CDH2: variants seen among roughly 807,000 people sequenced by gnomAD.
CDH2 encodes cadherin 2.
A neutral mutation model predicts 92.0 loss-of-function variants in CDH2; 17 were observed. The ratio of observed to expected loss-of-function variants is 0.18; its 90% CI spans 0.13 to 0.28. CDH2 has a LOEUF of 0.28. Among genes scored for constraint, CDH2 ranks in the 10% least tolerant of loss-of-function variants. CDH2 has a pLI of 1.00. For synonymous variants in CDH2, 419 were observed against 415.9 expected, an observed-to-expected ratio of 1.01 and a Z score of -0.09; for missense variants, 862 against 1,133.1, an observed-to-expected ratio of 0.76 and a Z score of 3.44.
intron 15 of CDH2, among the ~76,000 whole-genome samples, 188 bp from the exon 16 acceptor site, chr18:27,952,547 A>G (rs1483319541): frequency 6.6e-6 from 1 of 152,164 alleles, no homozygotes; most frequent in Non-Finnish European, 1.5e-5. Flanking sequence ...AAATTAACTT[A>G]TATCTTTCCG....
chr18:28,158,535 G>A (rs906241469), intron 1 of CDH2, among the ~76,000 whole-genome samples: 2 of 152,234 alleles, frequency 1.3e-5, no homozygotes, highest in African/African-American at 4.8e-5. Flanking sequence ...TCATTCCATG[G>A]GAAGGCACTC....
intron 1 of CDH2, among the ~76,000 whole-genome samples, chr18:28,159,468 T>G (rs1382073980): frequency 6.6e-6 from 1 of 152,162 alleles, no homozygotes; most frequent in Non-Finnish European, 1.5e-5. Flanking sequence ...TTCCCTCGGT[T>G]CAGAATTCAA....
chr18:28,122,051 G>A (rs542213148), intron 2 of CDH2, among the ~76,000 whole-genome samples: 3 of 152,150 alleles, frequency 2.0e-5, no homozygotes, highest in African/African-American at 4.8e-5. Flanking sequence ...GGTGGTACTC[G>A]CATTCTTCTA....
chr18:27,990,618 A>G (rs2012386148), intron 9 of CDH2, among the ~76,000 whole-genome samples: 1 of 152,246 alleles, frequency 6.6e-6, no homozygotes, highest in Non-Finnish European at 1.5e-5. Flanking sequence ...TTATTTATTT[A>G]GGTACATCTA....
intron 1 of CDH2, among the ~76,000 whole-genome samples, chr18:28,157,819 T>C (rs1428604940): frequency 6.6e-6 from 1 of 152,142 alleles, no homozygotes; most frequent in Admixed American, 6.5e-5. Flanking sequence ...GTAAAACTTT[T>C]TTAAACATTT....
At chr18:28,009,910 T>G (rs148092501) in intron 4 of CDH2, 38 bp from the exon 5 acceptor site, 1 of 1,541,114 alleles carries the variant, frequency 6.5e-7, no homozygotes, top group Non-Finnish European at 8.8e-7. Flanking sequence ...AGTGAGAGAC[T>G]AAATGAGCTC....
At chr18:28,145,820 A>G (rs1479744644) in intron 2 of CDH2, among the ~76,000 whole-genome samples, 1 of 152,106 alleles carries the variant, frequency 6.6e-6, no homozygotes, top group East Asian at 1.9e-4. Context: ...GTGTCATGTG[A>G]AAAACTGTTT....
At chr18:27,981,284 G>A (rs1208506542) in intron 14 of CDH2, among the ~76,000 whole-genome samples, 1 of 152,170 alleles carries the variant, frequency 6.6e-6, no homozygotes, top group Non-Finnish European at 1.5e-5. Context: ...TGATCAATAT[G>A]TTTGTTGATC....
intron 13 of CDH2, 36 bp from the exon 14 acceptor site, chr18:27,983,119 C>A (rs200259339): frequency 6.5e-6 from 10 of 1,548,004 alleles, no homozygotes; most frequent in Admixed American, 5.3e-5. Flanking sequence ...ATAATATTGT[C>A]ATTTTTAAAG....
intron 2 of CDH2, among the ~76,000 whole-genome samples, chr18:28,115,601 G>C (rs2015483879): frequency 6.6e-6 from 1 of 152,122 alleles, no homozygotes; most frequent in Admixed American, 6.6e-5. Flanking sequence ...GACAGAAGAT[G>C]GCTGCGGCCC....
chr18:28,081,921 G>A lies in CDH2; in HGVS notation c.172+65752C>T, dbSNP rs1394119192. On this transcript the variant is annotated intron_variant, in intron 2 of 15. Transcript: ENST00000269141. Reference sequence around the variant, plus strand: ...AAATTATATAACATAAGCCGGCAAGGAAGGAAGGAGTATAGCATTTTCCTC... The same window carrying A: ...AAATTATATAACATAAGCCGGCAAGAAAGGAAGGAGTATAGCATTTTCCTC... Among the ~76,000 whole-genome samples the A allele has an allele frequency of 4.6e-5, 7 of 152,170 alleles. No homozygotes were observed. The East Asian group carries it at 1.3e-3, about 29-fold the overall frequency.
chr18:27,994,509 A>G (rs17522375), intron 7 of CDH2, among the ~76,000 whole-genome samples: 7,182 of 152,332 alleles, frequency 0.047, 584 homozygotes, highest in African/African-American at 0.16. Context: ...AGTAAGTTTT[A>G]TATTAGGAAA....
At chr18:28,019,606 G>C (rs1052292466) in intron 2 of CDH2, among the ~76,000 whole-genome samples, 2 of 152,088 alleles carry the variant, frequency 1.3e-5, no homozygotes, top group Non-Finnish European at 2.9e-5. Flanking sequence ...TGACCTAAGA[G>C]AGTCTGACAC....
At chr18:28,009,941 TCA>T (rs2013049098) in intron 4 of CDH2, 69 bp from the exon 5 acceptor site, 2 of 1,246,070 alleles carry the variant, frequency 1.6e-6, no homozygotes, top group Non-Finnish European at 2.2e-6. Context: ...ATGGGGCACA[TCA>T]CACTTCATGC....
Position 28,177,060 on chromosome 18 carries a change from C to CGGCGGA in CDH2, c.-39_-38insTCCGCC. 8.9e-7 allele frequency: 1 copy of CGGCGGA among 1,128,678 alleles called. No individual in the cohort carries two copies. The highest frequency in any genetic ancestry group is 2.5e-5 in the Admixed American group (1 of 39,586). The allele number at this position is 1,128,678 out of a possible 1,614,324, so 69.9% of individuals were successfully genotyped here. A position where few individuals can be genotyped will look rare whatever the true frequency, so the allele number is the denominator to read the frequency against. Reference sequence around the variant, plus strand: ...GGGCCGAGCGAAGAGCCGGAGGAGGCGGCGGCGGCGGCGGCGGCGGCGGAG... The same window carrying CGGCGGA: ...GGGCCGAGCGAAGAGCCGGAGGAGGCGGCGGAGGCGGCGGCGGCGGCGGCGGCGGAG... On this transcript the variant is annotated 5_prime_UTR_variant, in exon 1 of 16. Transcript: ENST00000269141.
At chr18:28,107,981 T>C (rs893005861) in intron 2 of CDH2, among the ~76,000 whole-genome samples, 3 of 152,216 alleles carry the variant, frequency 2.0e-5, no homozygotes, top group African/African-American at 7.2e-5. Context: ...CAAAGAACTT[T>C]CTTGTTTACA....
chr18:28,079,937 C>A (rs561790420), intron 2 of CDH2, among the ~76,000 whole-genome samples: 15 of 152,230 alleles, frequency 9.9e-5, no homozygotes, highest in Middle Eastern at 3.4e-3. Flanking sequence ...CAAGTGGAAA[C>A]ATGAGGCCAG....
chr18:28,176,991 A>T lies in CDH2; in HGVS notation c.32T>A (p.Leu11Gln). Residue 11 changes from leucine to glutamine, a missense_variant, in exon 1 of 16, where the codon CTG (leucine) becomes CAG (glutamine). By Grantham distance (113) the Leu-to-Gln change is moderately radical. Coordinates refer to ENST00000269141, the MANE Select transcript of CDH2 (RefSeq NM_001792.5). MCRIAGALRT[L>Q]LPLLAALLQA... Reference sequence around the variant, plus strand: ...AAGCAGGGCCGCCAGCAGCGGCAGCAGGGTCCGCAGCGCTCCCGCTATCCG... The same window carrying T: ...AAGCAGGGCCGCCAGCAGCGGCAGCTGGGTCCGCAGCGCTCCCGCTATCCG... The T allele has an allele frequency of 6.9e-7, 1 of 1,458,748 alleles. No homozygotes were observed. The highest frequency in any genetic ancestry group is 9.0e-7 in the Non-Finnish European group (1 of 1,105,728). The allele number at this position is 1,458,748 out of a possible 1,614,324, so 90.4% of individuals were successfully genotyped here.
At chr18:28,120,054 T>C (rs2015561113) in intron 2 of CDH2, among the ~76,000 whole-genome samples, 1 of 152,062 alleles carries the variant, frequency 6.6e-6, no homozygotes. Flanking sequence ...GAAATAAACG[T>C]CTTCCTTGTT....
Sources: gnomAD v4.1 joint callset for allele counts (sites outside exome capture counted in the v4.1 genomes callset) on GRCh38, gnomAD v4.1.1 for gene constraint, MANE v1.5 for transcripts, NCBI Gene and HGNC (gene_info 2026-07-23, HGNC 2026-07-21) for gene names.